The following PDE7B variants were observed in gnomAD, a reference collection of about 807,000 sequenced individuals.
PDE7B encodes the protein phosphodiesterase 7B.
PDE7B carries 29 observed loss-of-function variants against 56.2 expected under a neutral mutation model. The observed-to-expected ratio is 0.52, with a 90% confidence interval of 0.38 to 0.70. The LOEUF (loss-of-function observed/expected upper bound fraction) is 0.70. Ranked by LOEUF, PDE7B falls within the 30% of genes least tolerant of loss-of-function variation. The pLI is 0.00. For missense variants in PDE7B, 490 were observed against 565.0 expected, an observed-to-expected ratio of 0.87 and a Z score of 1.35; for synonymous variants, 197 against 196.9, an observed-to-expected ratio of 1.00 and a Z score of 0.00.
chr6:136,053,062 T>C (rs138987099), intron 2 of PDE7B, among the ~76,000 whole-genome samples: 150 of 152,308 alleles, frequency 9.8e-4, no homozygotes, highest in African/African-American at 3.4e-3. Context: ...ACTCACATTT[T>C]TTTAAAAAAG....
At chr6:136,172,678 C>T (rs1327820205) in intron 8 of PDE7B, among the ~76,000 whole-genome samples, 3 of 151,306 alleles carry the variant, frequency 2.0e-5, no homozygotes, top group African/African-American at 7.3e-5. Flanking sequence ...GTTGCCATTG[C>T]TTTTGGTGTT....
chr6:135,874,799 C>T (rs1220421640), intron 1 of PDE7B, among the ~76,000 whole-genome samples: 2 of 152,166 alleles, frequency 1.3e-5, no homozygotes, highest in East Asian at 3.8e-4. Flanking sequence ...TATTCCCTTA[C>T]TTATTTGCCT....
At chr6:136,135,376 C>T (rs759689803) in intron 3 of PDE7B, among the ~76,000 whole-genome samples, 5 of 151,768 alleles carry the variant, frequency 3.3e-5, no homozygotes, top group Non-Finnish European at 7.4e-5. Context: ...ATAGTTACAA[C>T]TCATCTTCTT....
intron 9 of PDE7B, among the ~76,000 whole-genome samples, chr6:136,174,573 T>A (rs1255764318): frequency 6.6e-6 from 1 of 152,108 alleles, no homozygotes; most frequent in Non-Finnish European, 1.5e-5. Flanking sequence ...TTAATTCTGA[T>A]CTGTTTAATG....
chr6:136,164,877 C>G (rs918867423), intron 8 of PDE7B, among the ~76,000 whole-genome samples: 1 of 151,744 alleles, frequency 6.6e-6, no homozygotes, highest in African/African-American at 2.4e-5. Context: ...TCAATGGGTG[C>G]TGAATGGGCA....
chr6:135,999,645 T>G (rs1757373669), intron 2 of PDE7B, among the ~76,000 whole-genome samples: 1 of 152,198 alleles, frequency 6.6e-6, no homozygotes, highest in Non-Finnish European at 1.5e-5. Flanking sequence ...TACAACATTT[T>G]CCTTATCTAG....
chr6:136,043,614 A>C (rs1272735786), intron 2 of PDE7B, among the ~76,000 whole-genome samples: 29 of 149,722 alleles, frequency 1.9e-4, no homozygotes, highest in Admixed American at 1.9e-3. Context: ...AATAGAACCT[A>C]AGTTCCACCA....
chr6:136,187,184 A>C, intron 12 of PDE7B, 68 bp downstream of exon 12: 3 of 812,976 alleles, frequency 3.7e-6, no homozygotes, highest in Non-Finnish European at 6.3e-6. Context: ...GACAAAGAAA[A>C]GATCTAAACA....
At chr6:136,170,258 T>G (rs992285139) in intron 8 of PDE7B, among the ~76,000 whole-genome samples, 1 of 152,168 alleles carries the variant, frequency 6.6e-6, no homozygotes, top group Admixed American at 6.6e-5. Context: ...TTATTTTCCT[T>G]GCTTCTTTTC....
chr6:135,996,519 G>C lies in PDE7B; in HGVS notation c.82+48995G>C, dbSNP rs114136247. Reference sequence around the variant, plus strand: ...CCTTACAAAAGGCGAGAAAATAACGGAGGCAAAAGCACAGATTTTTATCAA... The same window carrying C: ...CCTTACAAAAGGCGAGAAAATAACGCAGGCAAAAGCACAGATTTTTATCAA... On this transcript the variant is annotated intron_variant, in intron 2 of 12. Transcript: ENST00000308191. Among the ~76,000 whole-genome samples, 453 of 152,302 alleles carry C rather than the reference G, an allele frequency of 3.0e-3. 2 individuals carry two copies. Among genetic ancestry groups the C allele is most frequent in the African/African-American group, 0.01 (424 of 41,570 alleles).
intron 2 of PDE7B, among the ~76,000 whole-genome samples, chr6:136,033,681 C>T (rs1776281030): frequency 6.6e-6 from 1 of 152,166 alleles, no homozygotes; most frequent in African/African-American, 2.4e-5. Context: ...GGTCTGTAGA[C>T]TAAGTCGTTT....
intron 2 of PDE7B, among the ~76,000 whole-genome samples, chr6:136,087,197 C>T (rs1031928112): frequency 3.9e-5 from 6 of 152,106 alleles, no homozygotes; most frequent in Non-Finnish European, 7.4e-5. Flanking sequence ...GGGCATCTTA[C>T]GTCGATTAAT....
At chr6:136,105,051 G>C (rs1204536290) in intron 2 of PDE7B, among the ~76,000 whole-genome samples, 2 of 152,182 alleles carry the variant, frequency 1.3e-5, no homozygotes, top group African/African-American at 4.8e-5. Flanking sequence ...AAAATTTGTT[G>C]CCAGCTAATT....
rs1356356668 is a variant in PDE7B at position 136,195,411 on chromosome 6, C to G, written c.*3571C>G. On this transcript the variant is annotated 3_prime_UTR_variant, in exon 13 of 13. Transcript: ENST00000308191. ...ATTTCTCATGCTTTGTTCTTTTAAA[C>G]AAATCCTTTAAACTGTGTCATTTTG... 1 of 89,858 alleles carries G rather than the reference C, an allele frequency of 1.1e-5. No individual in the cohort carries two copies. The highest frequency in any genetic ancestry group is 4.2e-5 in the African/African-American group (1 of 23,966). The allele number at this position is 89,858 out of a possible 1,614,324, so 5.6% of individuals were successfully genotyped here.
chr6:136,003,328 A>C (rs1775709193), intron 2 of PDE7B, among the ~76,000 whole-genome samples: 2 of 151,466 alleles, frequency 1.3e-5, no homozygotes, highest in South Asian at 4.1e-4. Flanking sequence ...AAAAGCTAGC[A>C]GAAGGCAAGA....
At chr6:135,948,030 C>T (rs1157924073) in intron 2 of PDE7B, among the ~76,000 whole-genome samples, 1 of 151,962 alleles carries the variant, frequency 6.6e-6, no homozygotes, top group Non-Finnish European at 1.5e-5. Flanking sequence ...ATCATTTGTT[C>T]TTGTAGGATG....
intron 2 of PDE7B, among the ~76,000 whole-genome samples, chr6:135,950,447 C>A (rs1774679434): frequency 6.6e-6 from 1 of 152,150 alleles, no homozygotes; most frequent in Non-Finnish European, 1.5e-5. Flanking sequence ...GCCCTGCCAA[C>A]CATAAATGTA....
At chr6:136,025,221 G>A (rs934356297) in intron 2 of PDE7B, among the ~76,000 whole-genome samples, 1 of 152,064 alleles carries the variant, frequency 6.6e-6, no homozygotes, top group Non-Finnish European at 1.5e-5. Flanking sequence ...GACCACTTTG[G>A]GCGGTGCTTT....
intron 2 of PDE7B, among the ~76,000 whole-genome samples, chr6:136,029,981 C>T (rs545637887): frequency 3.9e-5 from 6 of 152,240 alleles, no homozygotes; most frequent in East Asian, 3.9e-4. Flanking sequence ...CTGCCATTAC[C>T]GGGGAAAACA....
Sources: gnomAD v4.1 joint callset for allele counts (sites outside exome capture counted in the v4.1 genomes callset) on GRCh38, gnomAD v4.1.1 for gene constraint, MANE v1.5 for transcripts, NCBI Gene and HGNC (gene_info 2026-07-23, HGNC 2026-07-21) for gene names.